Variants in PDE7B observed in about 807,000 individuals in gnomAD.
PDE7B encodes phosphodiesterase 7B.
In PDE7B, 29 loss-of-function variants were observed where a neutral mutation model predicts 56.2. That is an observed-to-expected ratio of 0.52 (90% CI 0.38 to 0.70). The LOEUF (loss-of-function observed/expected upper bound fraction) is 0.70. Among genes scored for constraint, PDE7B ranks in the 30% least tolerant of loss-of-function variants. The pLI, the probability that PDE7B is intolerant of heterozygous loss-of-function variation, is 0.00. For missense variants in PDE7B, 490 were observed against 565.0 expected (o/e 0.87, Z 1.35); for synonymous variants, 197 against 196.9 (o/e 1.00, Z 0.00).
chr6:136,015,529 C>T (rs528075643), intron 2 of PDE7B, among the ~76,000 whole-genome samples: 30 of 151,994 alleles, frequency 2.0e-4, no homozygotes, highest in Non-Finnish European at 3.1e-4. Context: ...GAGGCTTTTC[C>T]GCCTGAGAAT....
At chr6:135,954,745 G>C (rs1583792950) in intron 2 of PDE7B, among the ~76,000 whole-genome samples, 2 of 152,098 alleles carry the variant, frequency 1.3e-5, no homozygotes, top group African/African-American at 2.4e-5. Context: ...TCACCTTGAG[G>C]GTTATGGTTT....
At chr6:136,062,236 A>G (rs1776857188) in intron 2 of PDE7B, among the ~76,000 whole-genome samples, 1 of 152,182 alleles carries the variant, frequency 6.6e-6, no homozygotes, top group African/African-American at 2.4e-5. Flanking sequence ...TAATTGACAA[A>G]TAAAAATTGT....
At chr6:135,972,264 CA>C (rs1775107791) in intron 2 of PDE7B, among the ~76,000 whole-genome samples, 1 of 125,976 alleles carries the variant, frequency 7.9e-6, no homozygotes, top group Admixed American at 7.8e-5. Context: ...AAAAAAAACC[CA>C]AAAAACAGGG....
At chr6:136,135,299 T>A (rs1778193036) in intron 3 of PDE7B, among the ~76,000 whole-genome samples, 5 of 152,152 alleles carry the variant, frequency 3.3e-5, no homozygotes, top group Admixed American at 2.6e-4. Context: ...CCTTTCTTAC[T>A]TTTTTCCTCT....
At chr6:135,995,326 T>C (rs1024506604) in intron 2 of PDE7B, among the ~76,000 whole-genome samples, 1 of 152,096 alleles carries the variant, frequency 6.6e-6, no homozygotes, top group East Asian at 1.9e-4. Context: ...ATGGTGTGTA[T>C]CAATAGAAAT....
chr6:135,852,318 A>G (rs1774957020), intron 1 of PDE7B, among the ~76,000 whole-genome samples: 1 of 152,214 alleles, frequency 6.6e-6, no homozygotes, highest in Non-Finnish European at 1.5e-5. Flanking sequence ...TAAAAAAAAA[A>G]ATAAAGAATG....
At position 136,163,473 on chromosome 6, in the gene PDE7B, C is replaced by G. The variant is rs147385259; in HGVS notation, c.711+7715C>G. ...TGGCCCAGGAAACCATTTTTACCTC[C>G]CTAGGCCTCCAGGCCTGTGATGGTT... On this transcript the variant is annotated intron_variant, in intron 8 of 12. Coordinates refer to ENST00000308191, the MANE Select transcript of PDE7B (RefSeq NM_018945.4). Among the ~76,000 whole-genome samples the G allele has an allele frequency of 5.0e-3, 755 of 152,344 alleles. 4 individuals carry two copies. Among genetic ancestry groups the G allele is most frequent in the Middle Eastern group, 0.017 (5 of 294 alleles).
chr6:136,179,453 T>C (rs1459768215), intron 10 of PDE7B, among the ~76,000 whole-genome samples: 1 of 152,192 alleles, frequency 6.6e-6, no homozygotes, highest in African/African-American at 2.4e-5. Context: ...AGTGACCTAT[T>C]TTAGTAAAGG....
At chr6:136,038,304 A>G (rs1237525215) in intron 2 of PDE7B, 5 of 1,295,320 alleles carry the variant, frequency 3.9e-6, no homozygotes, top group African/African-American at 1.5e-5. Flanking sequence ...CCTGTGCTAG[A>G]GCGATATTTC....
chr6:135,980,564 G>A (rs1171761587), intron 2 of PDE7B, among the ~76,000 whole-genome samples: 2 of 152,088 alleles, frequency 1.3e-5, no homozygotes, highest in Non-Finnish European at 2.9e-5. Context: ...CTAATATCCA[G>A]CATCTACAAT....
At chr6:135,921,572 ATT>A (rs201705393) in intron 1 of PDE7B, among the ~76,000 whole-genome samples, 3 of 151,592 alleles carry the variant, frequency 2.0e-5, no homozygotes, top group African/African-American at 7.3e-5. Context: ...CATTCTGAAG[ATT>A]TTTTTTTCAA....
chr6:136,017,586 C>T (rs1254395524), intron 2 of PDE7B, among the ~76,000 whole-genome samples: 1 of 149,972 alleles, frequency 6.7e-6, no homozygotes. Context: ...TAAGAACATG[C>T]GGTGTTTGGT....
rs1427302639 is a variant in PDE7B, at chr6:135,931,935, G to GCA, written c.22-15519_22-15518dup. ...ATTTTTAAAACTTTTTTGTTACCGC[G>GCA]CACACACACACGCGCGCGCACACAC... On this transcript the variant is annotated intron_variant, in intron 1 of 12. Coordinates refer to ENST00000308191, the MANE Select transcript of PDE7B (RefSeq NM_018945.4). Among the ~76,000 whole-genome samples, 9 of 111,206 alleles carry GCA rather than the reference G, an allele frequency of 8.1e-5. No homozygotes were observed. The East Asian group carries it at 1.9e-3, about 24-fold the overall frequency. The allele number at this position is 111,206 out of a possible 152,430, so 73.0% of individuals were successfully genotyped here.
intron 3 of PDE7B, among the ~76,000 whole-genome samples, chr6:136,130,690 T>C (rs1208962163): frequency 6.6e-6 from 1 of 152,104 alleles, no homozygotes; most frequent in African/African-American, 2.4e-5. Flanking sequence ...CTCACTTAAA[T>C]CTTCTTGTAT....
At chr6:135,967,529 G>GT (rs1477267320) in intron 2 of PDE7B, among the ~76,000 whole-genome samples, 25 of 152,158 alleles carry the variant, frequency 1.6e-4, no homozygotes, top group African/African-American at 6.0e-4. Context: ...AGCTATCGCT[G>GT]TGAAGGAGAC....
At chr6:136,137,809 T>G (rs1410051196) in intron 3 of PDE7B, among the ~76,000 whole-genome samples, 2 of 152,134 alleles carry the variant, frequency 1.3e-5, no homozygotes, top group Non-Finnish European at 2.9e-5. Context: ...ATTTAACAAT[T>G]ACTGTACCAG....
At chr6:136,079,145 T>C (rs1777167743) in intron 2 of PDE7B, among the ~76,000 whole-genome samples, 1 of 151,984 alleles carries the variant, frequency 6.6e-6, no homozygotes, top group African/African-American at 2.4e-5. Flanking sequence ...AATTGAGGAG[T>C]GTATTGAATA....
intron 2 of PDE7B, among the ~76,000 whole-genome samples, chr6:136,046,960 G>A (rs1035526174): frequency 5.3e-5 from 8 of 151,984 alleles, no homozygotes; most frequent in African/African-American, 1.5e-4. Flanking sequence ...GATCTTCCAC[G>A]TATGCCTCTA....
At chr6:135,970,321 G>T (rs1271369221) in intron 2 of PDE7B, among the ~76,000 whole-genome samples, 1 of 152,066 alleles carries the variant, frequency 6.6e-6, no homozygotes, top group Admixed American at 6.6e-5. Flanking sequence ...GTCTAAGAAG[G>T]CATTCCAGGC....
Sources: allele counts gnomAD v4.1 joint callset (sites outside exome capture counted in the v4.1 genomes callset), GRCh38; gene constraint gnomAD v4.1.1; transcripts MANE v1.5; gene names NCBI Gene and HGNC (gene_info 2026-07-23, HGNC 2026-07-21).